TBC1D4: variants seen among roughly 807,000 people sequenced by gnomAD.
The protein encoded by TBC1D4 is TBC1 domain family member 4.
A neutral mutation model predicts 142.5 loss-of-function variants in TBC1D4; 121 were observed. That is an observed-to-expected ratio of 0.85 (90% CI 0.73 to 0.99). The LOEUF is 0.99. Among genes scored for constraint, TBC1D4 ranks in the 50% least tolerant of loss-of-function variants. The pLI is 0.00. For missense variants in TBC1D4, 1,475 were observed against 1,606.6 expected (o/e 0.92, Z 1.40); for synonymous variants, 630 against 628.2 (o/e 1.00, Z -0.04).
chr13:75,376,177 A>G (rs1269667145), intron 1 of TBC1D4: 1 of 152,194 alleles, frequency 6.6e-6, no homozygotes, highest in African/African-American at 2.4e-5. Context: ...TAGGTGTTTC[A>G]AAACTTTCTG....
chr13:75,356,068 G>C, intron 4 of TBC1D4, 79 bp downstream of exon 4: 1 of 1,067,702 alleles, frequency 9.4e-7, no homozygotes, highest in Non-Finnish European at 1.4e-6. Context: ...ATATTGCAAG[G>C]CTTGGGCTCC....
Position 75,292,267 on chromosome 13 carries a change from AAT to A in TBC1D4, c.3319_3320del (p.Ile1107TyrfsTer7). 1 of 1,610,140 alleles carries A rather than the reference AAT, an allele frequency of 6.2e-7. No homozygotes were observed. Among genetic ancestry groups the A allele is most frequent in the Non-Finnish European group, 8.5e-7 (1 of 1,177,972 alleles). ...SLGFVARVFD[I>X]IFLQGTEVIF... ...TAACTTCAGTTCCCTGAAGAAAAATAATATCTAAAAGAAGAGATATAATTTTC... is the reference window on the plus strand; with the variant it reads ...TAACTTCAGTTCCCTGAAGAAAAATAATCTAAAAGAAGAGATATAATTTTC... On this transcript the variant is annotated frameshift_variant and splice_region_variant, in exon 19 of 21. Coordinates refer to ENST00000377636, the MANE Select transcript of TBC1D4 (RefSeq NM_014832.5). LOFTEE classifies it high-confidence loss of function.
intron 7 of TBC1D4, among the ~76,000 whole-genome samples, chr13:75,338,289 A>G (rs1056497577): frequency 6.6e-6 from 1 of 151,320 alleles, no homozygotes. Flanking sequence ...AAGGAGAGGA[A>G]AAAAAAAACA....
intron 11 of TBC1D4, among the ~76,000 whole-genome samples, chr13:75,323,499 T>A (rs573525): frequency 0.82 from 124,149 of 151,798 alleles, 52,827 homozygotes; most frequent in South Asian, 0.96. Context: ...TAATTTTTTT[T>A]AAAAAAAGCA....
At chr13:75,294,084 C>G (rs1209521757) in intron 18 of TBC1D4, among the ~76,000 whole-genome samples, 6 of 152,218 alleles carry the variant, frequency 3.9e-5, no homozygotes, top group Non-Finnish European at 8.8e-5. Context: ...GAACAAACCT[C>G]TGATGAAGAG....
intron 4 of TBC1D4, among the ~76,000 whole-genome samples, chr13:75,351,409 C>A (rs985279986): frequency 3.3e-5 from 5 of 150,650 alleles, no homozygotes; most frequent in East Asian, 1.9e-4. Flanking sequence ...TTGTAAAAAT[C>A]TTTTTTTTTA....
At chr13:75,444,232 T>G (rs904067556) in intron 1 of TBC1D4, among the ~76,000 whole-genome samples, 5 of 152,196 alleles carry the variant, frequency 3.3e-5, no homozygotes, top group Admixed American at 6.5e-5. Context: ...CAAGAGATCC[T>G]TCCACCTCAG....
intron 1 of TBC1D4, among the ~76,000 whole-genome samples, chr13:75,383,059 C>A (rs1020132181): frequency 6.6e-6 from 1 of 152,204 alleles, no homozygotes; most frequent in African/African-American, 2.4e-5. Context: ...CAGAGGCTCA[C>A]GCCCATAATC....
intron 1 of TBC1D4, among the ~76,000 whole-genome samples, chr13:75,381,468 T>C (rs1883843237): frequency 1.3e-5 from 2 of 152,246 alleles, no homozygotes; most frequent in South Asian, 4.1e-4. Context: ...TTTAAATTTC[T>C]TGTGTATGCT....
In TBC1D4 at chr13:75,312,814, C is replaced by G. The variant is rs1236409020; in HGVS notation, c.2307G>C (p.Arg769=). ...GGAAAATGCGCTGCCGCCAGGAGAT[C>G]CGGCGAGGAGTGACAGAGGTTCCTC... ...SVGGTSVTPR[R]ISWRQRIFLR... Residue 769 remains arginine, a synonymous_variant, in exon 13 of 21, where the codon CGG becomes CGC. Coordinates refer to ENST00000377636, the MANE Select transcript of TBC1D4 (RefSeq NM_014832.5). 1 of 1,614,158 alleles carries G rather than the reference C, an allele frequency of 6.2e-7. No homozygotes were observed. Among genetic ancestry groups the G allele is most frequent in the Non-Finnish European group, 8.5e-7 (1 of 1,180,026 alleles).
chr13:75,463,040 G>A (rs765840929), intron 1 of TBC1D4, among the ~76,000 whole-genome samples: 15 of 152,024 alleles, frequency 9.9e-5, no homozygotes, highest in Admixed American at 3.9e-4. Flanking sequence ...CTATTGATAC[G>A]TAAAGTGATA....
chr13:75,411,583 T>C (rs1885665776), intron 1 of TBC1D4, among the ~76,000 whole-genome samples: 1 of 152,142 alleles, frequency 6.6e-6, no homozygotes, highest in Admixed American at 6.5e-5. Flanking sequence ...TGGAGTGCCG[T>C]GGTGTGATCT....
At chr13:75,426,214 C>T (rs746370548) in intron 1 of TBC1D4, among the ~76,000 whole-genome samples, 49 of 152,048 alleles carry the variant, frequency 3.2e-4, no homozygotes, top group Non-Finnish European at 2.2e-4. Context: ...ATTACAGAAA[C>T]GCAAAGCAAA....
intron 14 of TBC1D4, among the ~76,000 whole-genome samples, chr13:75,308,446 T>C (rs1429220258): frequency 6.6e-6 from 1 of 152,204 alleles, no homozygotes; most frequent in Admixed American, 6.5e-5. Flanking sequence ...CTATTTGACC[T>C]TAGGTTAATT....
At chr13:75,373,228 C>T (rs1883314469) in intron 1 of TBC1D4, among the ~76,000 whole-genome samples, 1 of 152,116 alleles carries the variant, frequency 6.6e-6, no homozygotes, top group African/African-American at 2.4e-5. Flanking sequence ...CTATTTTTGT[C>T]CTGTCCTTCC....
chr13:75,442,958 G>A (rs1887109410), intron 1 of TBC1D4, among the ~76,000 whole-genome samples: 1 of 146,982 alleles, frequency 6.8e-6, no homozygotes, highest in South Asian at 2.1e-4. Context: ...CCTGAAGAAA[G>A]GCACCAGAGG....
intron 19 of TBC1D4, 113 bp from the exon 20 acceptor site, chr13:75,289,223 T>C (rs1401491053): frequency 5.8e-6 from 8 of 1,368,334 alleles, no homozygotes; most frequent in African/African-American, 5.8e-5. Flanking sequence ...ATGAAGAACA[T>C]TAAAGCATAA....
chr13:75,385,248 C>T (rs1247620353), intron 1 of TBC1D4, among the ~76,000 whole-genome samples: 1 of 152,166 alleles, frequency 6.6e-6, no homozygotes, highest in Non-Finnish European at 1.5e-5. Context: ...ATTTAGCCAC[C>T]CAATGGCATC....
intron 1 of TBC1D4, among the ~76,000 whole-genome samples, chr13:75,422,051 C>T (rs1267869168): frequency 1.3e-5 from 2 of 152,208 alleles, no homozygotes; most frequent in Admixed American, 6.5e-5. Flanking sequence ...ACCTTGGCCT[C>T]CCAAAGTGCC....
Sources: gnomAD v4.1 joint callset for allele counts (sites outside exome capture counted in the v4.1 genomes callset) on GRCh38, gnomAD v4.1.1 for gene constraint, MANE v1.5 for transcripts, NCBI Gene and HGNC (gene_info 2026-07-23, HGNC 2026-07-21) for gene names.